Variants in NEB observed in about 807,000 individuals in gnomAD.
NEB encodes the protein nemaline myopathy type 2.
A neutral mutation model predicts 952.2 loss-of-function variants in NEB; 512 were observed. The observed-to-expected ratio is 0.54, with a 90% CI of 0.50 to 0.58. The LOEUF is 0.58. Ranked by LOEUF, NEB falls within the 20% of genes least tolerant of loss-of-function variation. The probability of loss-of-function intolerance (pLI) is 0.00; values close to 1 mark genes in which losing one functional copy is unlikely to be tolerated. For synonymous variants in NEB, 2,900 were observed against 3,149.8 expected (o/e 0.92, Z 2.66); for missense variants, 8,428 against 9,231.1 (o/e 0.91, Z 3.56).
intron 135 of NEB, among the ~76,000 whole-genome samples, chr2:151,543,016 C>A (rs187530287): frequency 6.6e-6 from 1 of 152,250 alleles, no homozygotes; most frequent in East Asian, 1.9e-4. Context: ...GAATGTTCTT[C>A]TCCCTTTTAT....
intron 70 of NEB, 128 bp from the exon 71 acceptor site, chr2:151,625,766 T>C (rs2098510109): frequency 1.9e-6 from 1 of 516,518 alleles, no homozygotes; most frequent in African/African-American, 1.9e-5. Flanking sequence ...GTTAATATTC[T>C]TTTCAACCTC....
At chr2:151,534,531 A>T (rs2092672210) in intron 142 of NEB, among the ~76,000 whole-genome samples, 1 of 152,206 alleles carries the variant, frequency 6.6e-6, no homozygotes, top group South Asian at 2.1e-4. Context: ...CAGATTTATG[A>T]CACCAAAATT....
intron 9 of NEB, among the ~76,000 whole-genome samples, chr2:151,718,151 C>A (rs1382022502): frequency 6.6e-6 from 1 of 152,174 alleles, no homozygotes; most frequent in African/African-American, 2.4e-5. Flanking sequence ...CCGCGCCTGG[C>A]CAACTTCCTC....
intron 9 of NEB, among the ~76,000 whole-genome samples, chr2:151,722,958 C>T (rs2099779167): frequency 6.6e-6 from 1 of 152,200 alleles, no homozygotes; most frequent in Non-Finnish European, 1.5e-5. Context: ...CCTTCCATAA[C>T]ATTGTTTACT....
intron 25 of NEB, among the ~76,000 whole-genome samples, chr2:151,688,021 A>G (rs914866789): frequency 2.0e-5 from 3 of 152,180 alleles, no homozygotes; most frequent in African/African-American, 7.2e-5. Context: ...AGAAGGTGAA[A>G]TGTGAAATTT....
At chr2:151,632,893 G>A (rs1405977213) in intron 65 of NEB, among the ~76,000 whole-genome samples, 5 of 152,108 alleles carry the variant, frequency 3.3e-5, no homozygotes, top group Non-Finnish European at 7.4e-5. Context: ...TTTCTGTGCA[G>A]GCAAAGCCTT....
At chr2:151,628,744 C>G (rs1303793044) in intron 68 of NEB, among the ~76,000 whole-genome samples, 2 of 152,096 alleles carry the variant, frequency 1.3e-5, no homozygotes, top group African/African-American at 4.8e-5. Context: ...TGCCTGTAAT[C>G]CCAGTTACTT....
chr2:151,733,071 T>A, intron 3 of NEB, 50 bp downstream of exon 3: 1 of 1,523,768 alleles, frequency 6.6e-7, no homozygotes, highest in Non-Finnish European at 8.9e-7. Context: ...CAGCTTTGAT[T>A]GTCACTACAT....
chr2:151,692,003 G>T, intron 22 of NEB, 35 bp from the exon 23 acceptor site: 4 of 1,607,262 alleles, frequency 2.5e-6, no homozygotes, highest in Non-Finnish European at 3.4e-6. Flanking sequence ...GATCATGATT[G>T]TTATGGCTCT....
Position 151,578,082 on chromosome 2 carries a change from G to A in NEB, c.16704+1256C>T, listed in dbSNP as rs181075746. On this transcript the variant is annotated intron_variant, in intron 105 of 181. Transcript: ENST00000397345. ...AGTGATGAGCATGCTTTCCTGTAAT[G>A]AACTCATTCATTATAAAAAAGTACC... 9.9e-5 allele frequency among the ~76,000 whole-genome samples: 15 copies of A among 152,248 alleles called. No homozygotes were observed. In the East Asian group the frequency reaches 2.9e-3, roughly 29 times the overall value.
In NEB at chr2:151,619,498, G is replaced by C. The variant is rs760365962; in HGVS notation, c.10825C>G (p.Gln3609Glu). 7.4e-6 allele frequency: 12 copies of C among 1,612,940 alleles called. No homozygotes were observed. In the East Asian group the frequency reaches 2.2e-4, roughly 30 times the overall value. Residue 3609 changes from glutamine to glutamate, a missense_variant, in exon 73 of 182, where the codon CAG becomes GAG. Gln to Glu is a conservative substitution (Grantham distance 29). Coordinates refer to ENST00000397345, the MANE Select transcript of NEB (RefSeq NM_001164508.2). Reference sequence around the variant, plus strand: ...TTCCGTGCATGAATGATGTCATTCTGGTCGGGCAGGCAGATCCATTCATGC... The same window carrying C: ...TTCCGTGCATGAATGATGTCATTCTCGTCGGGCAGGCAGATCCATTCATGC... Reference protein sequence around the residue: ...PLHEWICLPDQNDIIHARKAY... With the variant: ...PLHEWICLPDENDIIHARKAY...
intron 13 of NEB, among the ~76,000 whole-genome samples, chr2:151,698,887 A>T (rs1234264257): frequency 2.1e-5 from 3 of 146,340 alleles, no homozygotes; most frequent in African/African-American, 5.0e-5. Context: ...TTTTAATTAT[A>T]CTTTAAGTTT....
At chr2:151,552,803 T>C (rs1467615546) in intron 127 of NEB, 27 bp from the exon 128 acceptor site, 2 of 1,540,298 alleles carry the variant, frequency 1.3e-6, no homozygotes, top group Admixed American at 3.5e-5. Context: ...AACAAGCCCA[T>C]GTTGGACCAT....
At chr2:151,697,516 C>A (rs763454390) in intron 14 of NEB, 28 bp downstream of exon 14, 1 of 1,607,080 alleles carries the variant, frequency 6.2e-7, no homozygotes, top group Non-Finnish European at 8.5e-7. Flanking sequence ...CTTTTTTTAA[C>A]AGAAAGAGTG....
chr2:151,682,577 G>T, intron 29 of NEB, 85 bp downstream of exon 29: 2 of 1,087,574 alleles, frequency 1.8e-6, no homozygotes, highest in South Asian at 1.4e-5. Context: ...TGAGAATGAA[G>T]CAATGAAGGA....
At chr2:151,682,450 T>TA (rs1327312627) in intron 29 of NEB, among the ~76,000 whole-genome samples, 1 of 152,248 alleles carries the variant, frequency 6.6e-6, no homozygotes, top group Non-Finnish European at 1.5e-5. Flanking sequence ...ATAAAATTGT[T>TA]AAAAATATTT....
chr2:151,493,449 G>A lies in NEB; in HGVS notation c.24673-4C>T. ...TCATGTTCTCTTTGTACAATACCTA[G>A]GGAAGCCAAAAGAGCATCTAGGCAT... On this transcript the variant is annotated splice_polypyrimidine_tract_variant and splice_region_variant and intron_variant, in intron 175 of 181. Transcript: ENST00000397345. 1 of 1,568,378 alleles carries A rather than the reference G, an allele frequency of 6.4e-7. No homozygotes were observed. Among genetic ancestry groups the A allele is most frequent in the South Asian group, 1.2e-5 (1 of 83,142 alleles).
intron 124 of NEB, among the ~76,000 whole-genome samples, chr2:151,557,991 T>C (rs1009394295): frequency 1.3e-5 from 2 of 152,130 alleles, no homozygotes; most frequent in Admixed American, 6.5e-5. Context: ...CCACTCCTAT[T>C]CAACATAGTA....
chr2:151,550,135 C>T (rs762463952), intron 129 of NEB, among the ~76,000 whole-genome samples: 12 of 151,748 alleles, frequency 7.9e-5, no homozygotes, highest in South Asian at 2.1e-4. Flanking sequence ...GGCATGGTGG[C>T]GTGTACCTGT....
Sources: gnomAD v4.1 joint callset for allele counts (sites outside exome capture counted in the v4.1 genomes callset) on GRCh38, gnomAD v4.1.1 for gene constraint, MANE v1.5 for transcripts, NCBI Gene and HGNC (gene_info 2026-07-23, HGNC 2026-07-21) for gene names.